PARG: variants seen among roughly 807,000 people sequenced by gnomAD.
The protein encoded by PARG is mitochondrial poly(ADP-ribose) glycohydrolase.
Under a neutral mutation model 113.0 loss-of-function variants are expected in PARG, and 35 were observed. The observed-to-expected ratio is 0.31, with a 90% CI of 0.24 to 0.41. The LOEUF (loss-of-function observed/expected upper bound fraction) is 0.41. Ranked by LOEUF, PARG falls within the 10% of genes least tolerant of loss-of-function variation. The pLI is 1.00. For missense variants in PARG, 797 were observed against 1,169.4 expected (o/e 0.68, Z 4.64); for synonymous variants, 330 against 409.9 (o/e 0.81, Z 2.36).
chr10:49,828,880 AAAAC>A (rs1844507837), intron 16 of PARG, among the ~76,000 whole-genome samples: 1 of 152,168 alleles, frequency 6.6e-6, no homozygotes, highest in Non-Finnish European at 1.5e-5. Context: ...GTATCTTACA[AAAAC>A]AAACAACTAA....
chr10:49,848,263 CACTT>C (rs1845603166), intron 13 of PARG, among the ~76,000 whole-genome samples: 1 of 149,504 alleles, frequency 6.7e-6, no homozygotes, highest in Non-Finnish European at 1.5e-5. Flanking sequence ...GCAGGGGACT[CACTT>C]GAACCTGGAG....
chr10:49,835,390 G>A (rs1844864879), intron 15 of PARG, among the ~76,000 whole-genome samples: 1 of 152,078 alleles, frequency 6.6e-6, no homozygotes, highest in African/African-American at 2.4e-5. Flanking sequence ...CAACAACTCA[G>A]AAGGGGGAAA....
intron 7 of PARG, among the ~76,000 whole-genome samples, chr10:49,895,077 T>G (rs1399847964): frequency 6.6e-6 from 1 of 152,208 alleles, no homozygotes; most frequent in Admixed American, 6.5e-5. Context: ...TGATTTAGGG[T>G]ACACCATAAT....
At position 49,822,224 on chromosome 10, in the gene PARG, CTGTG is replaced by C. The variant is rs150376140; in HGVS notation, c.2648-1935_2648-1932del. Among the ~76,000 whole-genome samples the C allele has an allele frequency of 1.2e-3, 177 of 149,594 alleles. 1 individual carries two copies. Among genetic ancestry groups the C allele is most frequent in the Middle Eastern group, 6.9e-3 (2 of 290 alleles). ...CTCATGATGTCGAAAATATGTGTAT[CTGTG>C]TGTGTGTGTGTGTGTATGTGTGTGT... On this transcript the variant is annotated intron_variant, in intron 16 of 17. Transcript: ENST00000616448.
At chr10:49,930,210 C>T (rs1437562358) in intron 4 of PARG, among the ~76,000 whole-genome samples, 1 of 151,236 alleles carries the variant, frequency 6.6e-6, no homozygotes, top group Non-Finnish European at 1.5e-5. Flanking sequence ...TCTTTTTTAA[C>T]AAGTTTTTCA....
chr10:49,869,353 T>C (rs1554837474), intron 10 of PARG, 123 bp downstream of exon 10: 1 of 673,674 alleles, frequency 1.5e-6, no homozygotes, highest in Non-Finnish European at 2.7e-6. Context: ...GCATCATTAC[T>C]AGTGTTTCAA....
At chr10:49,832,313 G>C (rs573965685) in intron 16 of PARG, among the ~76,000 whole-genome samples, 6 of 152,168 alleles carry the variant, frequency 3.9e-5, no homozygotes, top group Admixed American at 3.9e-4. Flanking sequence ...CCCATGTACT[G>C]CATCGGTCTC....
At chr10:49,905,751 G>A (rs1252443103) in intron 7 of PARG, among the ~76,000 whole-genome samples, 2 of 151,518 alleles carry the variant, frequency 1.3e-5, no homozygotes, top group African/African-American at 4.8e-5. Context: ...ACGCAGTGGA[G>A]ACTCAAAAAA....
At chr10:49,878,416 G>A (rs1164077071) in intron 9 of PARG, among the ~76,000 whole-genome samples, 2 of 148,882 alleles carry the variant, frequency 1.3e-5, no homozygotes, top group Non-Finnish European at 3.0e-5. Flanking sequence ...TCAGGAGTTC[G>A]ACACCAGCCT....
Position 49,934,207 on chromosome 10 carries a change from A to C in PARG, c.285-44T>G, listed in dbSNP as rs1197150506. 8.8e-6 allele frequency: 7 copies of C among 797,434 alleles called. 1 individual carries two copies. The East Asian group carries it at 1.0e-4, about 12-fold the overall frequency. The allele number at this position is 797,434 out of a possible 1,614,324, so 49.4% of individuals were successfully genotyped here. On this transcript the variant is annotated intron_variant, in intron 2 of 17. Coordinates refer to ENST00000616448, the MANE Select transcript of PARG (RefSeq NM_003631.5). ...AACTAAAAACAACTTATAATACAAA[A>C]AAGTCACTTATCCAATCATACCCCC...
chr10:49,898,957 AC>A (rs1457721108), intron 7 of PARG, among the ~76,000 whole-genome samples: 1 of 152,218 alleles, frequency 6.6e-6, no homozygotes, highest in African/African-American at 2.4e-5. Context: ...TCTAGCCCTT[AC>A]TAGAAGCTCC....
chr10:49,895,325 A>G (rs1421874783), intron 7 of PARG, among the ~76,000 whole-genome samples: 1 of 152,054 alleles, frequency 6.6e-6, no homozygotes, highest in Non-Finnish European at 1.5e-5. Flanking sequence ...GTTTCCATAT[A>G]AATTTTAGTA....
chr10:49,835,159 G>C (rs782534682), intron 15 of PARG, among the ~76,000 whole-genome samples: 1 of 152,128 alleles, frequency 6.6e-6, no homozygotes, highest in Non-Finnish European at 1.5e-5. Flanking sequence ...GATAAGGATA[G>C]AGACCTTAAA....
intron 4 of PARG, among the ~76,000 whole-genome samples, chr10:49,927,132 C>A (rs1554850766): frequency 6.6e-6 from 1 of 151,940 alleles, no homozygotes; most frequent in African/African-American, 2.4e-5. Context: ...CATGGTGAAA[C>A]CTCATCTCTA....
intron 8 of PARG, among the ~76,000 whole-genome samples, chr10:49,883,248 A>G (rs1307939790): frequency 2.0e-5 from 3 of 152,228 alleles, no homozygotes; most frequent in African/African-American, 4.8e-5. Context: ...GGGGTGTCCT[A>G]ATGACATACT....
intron 15 of PARG, among the ~76,000 whole-genome samples, chr10:49,839,865 A>C (rs975974274): frequency 6.6e-6 from 1 of 152,134 alleles, no homozygotes; most frequent in Non-Finnish European, 1.5e-5. Context: ...CCTTTTCCAT[A>C]TTTCTCTCCA....
chr10:49,825,758 A>T (rs1844322588), intron 16 of PARG, among the ~76,000 whole-genome samples: 1 of 152,190 alleles, frequency 6.6e-6, no homozygotes, highest in Non-Finnish European at 1.5e-5. Context: ...AAGGGCAATA[A>T]ATGGAAGGGT....
chr10:49,923,641 G>A (rs1171386335), intron 4 of PARG, among the ~76,000 whole-genome samples: 3 of 151,990 alleles, frequency 2.0e-5, no homozygotes, highest in Non-Finnish European at 2.9e-5. Flanking sequence ...AAAATAATTG[G>A]AAGCAGCCGG....
intron 6 of PARG, among the ~76,000 whole-genome samples, chr10:49,919,505 G>GTA (rs1447829116): frequency 1.3e-5 from 2 of 152,150 alleles, no homozygotes; most frequent in Non-Finnish European, 1.5e-5. Flanking sequence ...ATACACCACA[G>GTA]TACAGGTATG....
Sources: gnomAD v4.1 joint callset for allele counts (sites outside exome capture counted in the v4.1 genomes callset) on GRCh38, gnomAD v4.1.1 for gene constraint, MANE v1.5 for transcripts, NCBI Gene and HGNC (gene_info 2026-07-23, HGNC 2026-07-21) for gene names.